Variants in CYRIB observed in about 807,000 individuals in gnomAD.
CYRIB encodes CYFIP-related Rac1 interactor B.
Under a neutral mutation model 44.2 loss-of-function variants are expected in CYRIB, and 8 were observed. The observed-to-expected ratio is 0.18, with a 90% confidence interval of 0.11 to 0.33. The LOEUF is 0.33. Among genes scored for constraint, CYRIB ranks in the 10% least tolerant of loss-of-function variants. The pLI is 1.00. For missense variants in CYRIB, 185 were observed against 382.8 expected, an observed-to-expected ratio of 0.48 and a Z score of 4.31; for synonymous variants, 131 against 127.2, an observed-to-expected ratio of 1.03 and a Z score of -0.20.
chr8:129,998,135 A>G (rs895729439), intron 1 of CYRIB, among the ~76,000 whole-genome samples: 2 of 151,338 alleles, frequency 1.3e-5, no homozygotes, highest in Non-Finnish European at 2.9e-5. Flanking sequence ...AAAAAAAAAA[A>G]AAACAAAAAA....
At chr8:129,971,337 C>T (rs1167714391) in intron 1 of CYRIB, among the ~76,000 whole-genome samples, 2 of 152,174 alleles carry the variant, frequency 1.3e-5, no homozygotes, top group Admixed American at 6.5e-5. Context: ...AAGTGATCCA[C>T]CAGCCTTGAC....
intron 3 of CYRIB, among the ~76,000 whole-genome samples, chr8:129,874,065 T>C (rs1338917248): frequency 6.6e-6 from 1 of 151,992 alleles, no homozygotes; most frequent in Non-Finnish European, 1.5e-5. Context: ...AACAAAGCTT[T>C]TTATTTTATT....
chr8:130,003,093 T>A (rs910986552), intron 1 of CYRIB, among the ~76,000 whole-genome samples: 1 of 152,150 alleles, frequency 6.6e-6, no homozygotes, highest in South Asian at 2.1e-4. Context: ...CTGTTCCCAA[T>A]TGAATTGAAA....
At chr8:129,984,578 G>T (rs1013860378) in intron 1 of CYRIB, among the ~76,000 whole-genome samples, 4 of 152,050 alleles carry the variant, frequency 2.6e-5, no homozygotes, top group African/African-American at 9.7e-5. Flanking sequence ...CCCAGGATGC[G>T]GCCACTGCCC....
rs768606211 is a variant in CYRIB at position 130,011,860 on chromosome 8, T to TA, written c.-296+4509dup. Among the ~76,000 whole-genome samples the TA allele has an allele frequency of 4.6e-3, 675 of 147,160 alleles. 5 individuals carry two copies. Among genetic ancestry groups the TA allele is most frequent in the African/African-American group, 0.016 (628 of 40,118 alleles). ...AACTAAAAATAAAAATAAAAATAAT[T>TA]AAAAAAAAAAAGAACGCTGAGGCCT... is the stretch of plus-strand genomic sequence containing the variant. On this transcript the variant is annotated intron_variant, in intron 1 of 14. Transcript: ENST00000401979.
At chr8:129,870,654 C>CA in intron 4 of CYRIB, among the ~76,000 whole-genome samples, 1 of 152,064 alleles carries the variant, frequency 6.6e-6, no homozygotes, top group African/African-American at 2.4e-5. Context: ...CAATAATAAA[C>CA]AAAACAGAGG....
chr8:129,930,890 C>T (rs934800531), intron 1 of CYRIB, among the ~76,000 whole-genome samples: 1 of 152,072 alleles, frequency 6.6e-6, no homozygotes, highest in African/African-American at 2.4e-5. Context: ...TCTAAATTCA[C>T]GTATGCTTTA....
chr8:129,878,251 TA>T (rs1275586213), intron 3 of CYRIB, among the ~76,000 whole-genome samples: 3 of 152,124 alleles, frequency 2.0e-5, no homozygotes, highest in Admixed American at 2.0e-4. Flanking sequence ...AGAAATGGAA[TA>T]AAAGTAGAAA....
At chr8:129,877,851 C>CA (rs2059663336) in intron 3 of CYRIB, among the ~76,000 whole-genome samples, 1 of 151,964 alleles carries the variant, frequency 6.6e-6, no homozygotes, top group South Asian at 2.1e-4. Context: ...TCTTGACTAT[C>CA]AAAGTCAAGA....
chr8:129,878,190 C>T (rs1387973131), intron 3 of CYRIB, among the ~76,000 whole-genome samples: 1 of 152,168 alleles, frequency 6.6e-6, no homozygotes, highest in Non-Finnish European at 1.5e-5. Context: ...TATTGATTTA[C>T]TACTCTTTAC....
chr8:129,900,933 C>CA (rs1426642034), intron 2 of CYRIB, among the ~76,000 whole-genome samples: 1 of 152,222 alleles, frequency 6.6e-6, no homozygotes, highest in Non-Finnish European at 1.5e-5. Context: ...CTCGGCCACC[C>CA]AAAGTGCTGG....
chr8:129,855,538 C>T (rs762005671), intron 6 of CYRIB, 73 bp downstream of exon 8: 1 of 1,473,728 alleles, frequency 6.8e-7, no homozygotes, highest in Non-Finnish European at 9.4e-7. Context: ...ACAATGTTTC[C>T]CGGCTCTTCC....
intron 4 of CYRIB, among the ~76,000 whole-genome samples, chr8:129,867,693 G>A (rs1001821339): frequency 2.6e-5 from 4 of 152,062 alleles, no homozygotes; most frequent in African/African-American, 9.7e-5. Context: ...CAGACACGGT[G>A]CTATGCTGTT....
intron 2 of CYRIB, among the ~76,000 whole-genome samples, chr8:129,962,627 C>T (rs2095313193): frequency 7.3e-6 from 1 of 136,560 alleles, no homozygotes; most frequent in Non-Finnish European, 1.7e-5. Context: ...TTAAATATTT[C>T]AGCTAATTTA....
chr8:129,950,464 C>T (rs181698368), intron 2 of CYRIB, among the ~76,000 whole-genome samples: 2 of 151,824 alleles, frequency 1.3e-5, no homozygotes, highest in African/African-American at 2.4e-5. Context: ...CAGCTACTTG[C>T]GAGGCTGAGA....
At chr8:129,949,554 G>A (rs963069697) in intron 2 of CYRIB, among the ~76,000 whole-genome samples, 1 of 151,996 alleles carries the variant, frequency 6.6e-6, no homozygotes, top group African/African-American at 2.4e-5. Flanking sequence ...AAATCCCTCA[G>A]TGACCAAGCT....
chr8:129,929,265 AGGGAGACACG>A (rs1242751998), intron 1 of CYRIB, among the ~76,000 whole-genome samples: 1 of 151,740 alleles, frequency 6.6e-6, no homozygotes, highest in Non-Finnish European at 1.5e-5. Flanking sequence ...AGAAGGAAAG[AGGGAGACACG>A]GGGAGAAGAG....
intron 1 of CYRIB, among the ~76,000 whole-genome samples, chr8:129,922,289 T>C (rs2084078940): frequency 6.6e-6 from 1 of 152,220 alleles, no homozygotes; most frequent in South Asian, 2.1e-4. Context: ...TAATGAATTA[T>C]GAAGAATATT....
chr8:129,879,100 ATT>A (rs1275363266), intron 3 of CYRIB, among the ~76,000 whole-genome samples: 1 of 152,142 alleles, frequency 6.6e-6, no homozygotes, highest in Non-Finnish European at 1.5e-5. Flanking sequence ...TTCCAACAAA[ATT>A]TTTTCATAAA....
Sources: gnomAD v4.1 joint callset for allele counts (sites outside exome capture counted in the v4.1 genomes callset) on GRCh38, gnomAD v4.1.1 for gene constraint, MANE v1.5 for transcripts, NCBI Gene and HGNC (gene_info 2026-07-23, HGNC 2026-07-21) for gene names.